The following NLGN1 variants were observed in gnomAD, a reference collection of about 807,000 sequenced individuals.
NLGN1 encodes neuroligin-1.
A neutral mutation model predicts 65.5 loss-of-function variants in NLGN1; 12 were observed. That is an observed-to-expected ratio of 0.18 (90% CI 0.12 to 0.30). The LOEUF is 0.30. NLGN1 is among the 10% of genes least tolerant of loss of function. The pLI is 1.00. For missense variants in NLGN1, 750 were observed against 1,007.1 expected, an observed-to-expected ratio of 0.74 and a Z score of 3.46; for synonymous variants, 350 against 359.5, an observed-to-expected ratio of 0.97 and a Z score of 0.30.
At chr3:173,935,279 G>T (rs1200712400) in intron 4 of NLGN1, among the ~76,000 whole-genome samples, 1 of 151,946 alleles carries the variant, frequency 6.6e-6, no homozygotes, top group Non-Finnish European at 1.5e-5. Context: ...AAGGTTAAGG[G>T]ACCTGCCTAA....
At chr3:174,145,826 T>C (rs1029645985) in intron 4 of NLGN1, among the ~76,000 whole-genome samples, 1 of 152,204 alleles carries the variant, frequency 6.6e-6, no homozygotes, top group Non-Finnish European at 1.5e-5. Context: ...TAAACTTCAC[T>C]TTTACCTAAA....
chr3:173,600,807 A>G (rs1487760839), intron 2 of NLGN1, among the ~76,000 whole-genome samples: 7 of 151,580 alleles, frequency 4.6e-5, no homozygotes, highest in Admixed American at 4.0e-4. Context: ...AATTCTCCTT[A>G]ACATTCAGTG....
At chr3:174,156,560 G>C (rs1330435341) in intron 4 of NLGN1, among the ~76,000 whole-genome samples, 2 of 151,720 alleles carry the variant, frequency 1.3e-5, no homozygotes, top group African/African-American at 4.8e-5. Flanking sequence ...ATAGATTTGA[G>C]AGTAAGATTC....
At chr3:174,219,703 A>G (rs1275538701) in intron 4 of NLGN1, among the ~76,000 whole-genome samples, 2 of 152,128 alleles carry the variant, frequency 1.3e-5, no homozygotes, top group Non-Finnish European at 2.9e-5. Context: ...TGTATCCCCA[A>G]TAGTCCAATG....
intron 4 of NLGN1, among the ~76,000 whole-genome samples, chr3:174,036,930 T>A (rs1327439013): frequency 2.0e-5 from 3 of 152,218 alleles, no homozygotes; most frequent in Non-Finnish European, 4.4e-5. Context: ...AAGGACATGA[T>A]GACATCCTTT....
chr3:173,895,849 C>A (rs558841770), intron 4 of NLGN1, among the ~76,000 whole-genome samples: 1 of 152,176 alleles, frequency 6.6e-6, no homozygotes, highest in Non-Finnish European at 1.5e-5. Flanking sequence ...TGCCCCCACA[C>A]ATGGCTAATT....
intron 1 of NLGN1, among the ~76,000 whole-genome samples, chr3:173,427,488 C>A (rs1181001706): frequency 6.6e-6 from 1 of 151,826 alleles, no homozygotes; most frequent in Admixed American, 6.6e-5. Context: ...TGCTATACTG[C>A]ATAGGTTTTG....
chr3:173,992,475 A>G (rs898480986), intron 4 of NLGN1, among the ~76,000 whole-genome samples: 11 of 152,056 alleles, frequency 7.2e-5, no homozygotes, highest in African/African-American at 2.7e-4. Context: ...CAAAGTCACC[A>G]ATGGCTCTTT....
At chr3:173,436,469 G>C (rs1265367406) in intron 2 of NLGN1, among the ~76,000 whole-genome samples, 1 of 152,106 alleles carries the variant, frequency 6.6e-6, no homozygotes. Flanking sequence ...CATGATTTGA[G>C]GACCTTACAT....
chr3:173,960,750 A>G (rs977255893), intron 4 of NLGN1, among the ~76,000 whole-genome samples: 1 of 151,310 alleles, frequency 6.6e-6, no homozygotes, highest in African/African-American at 2.4e-5. Context: ...GTTAAAATAG[A>G]TAGGAAGACA....
chr3:173,733,950 G>C (rs1352487620), intron 3 of NLGN1, among the ~76,000 whole-genome samples: 3 of 151,850 alleles, frequency 2.0e-5, no homozygotes, highest in African/African-American at 7.3e-5. Context: ...AAACCTAAAT[G>C]ACTAGGTTTT....
chr3:173,605,007 A>G (rs1751151256), exon 3 of NLGN1: 2 of 1,613,470 alleles, frequency 1.2e-6, no homozygotes, highest in African/African-American at 1.3e-5. Flanking sequence ...GTGGTTTACT[A>G]ATAACTTGGA....
intron 4 of NLGN1, among the ~76,000 whole-genome samples, chr3:174,150,656 A>G (rs1335730463): frequency 6.6e-6 from 1 of 152,128 alleles, no homozygotes; most frequent in East Asian, 1.9e-4. Flanking sequence ...TTATCTGATC[A>G]TTGCTGCAGC....
chr3:173,519,770 A>T (rs753232508), intron 2 of NLGN1, among the ~76,000 whole-genome samples: 4 of 150,990 alleles, frequency 2.6e-5, no homozygotes, highest in Non-Finnish European at 1.5e-5. Flanking sequence ...GAGAGTTTGG[A>T]CTTTGGACTT....
At chr3:174,101,567 A>G (rs1407011540) in intron 4 of NLGN1, among the ~76,000 whole-genome samples, 1 of 152,220 alleles carries the variant, frequency 6.6e-6, no homozygotes, top group Non-Finnish European at 1.5e-5. Context: ...CTTTCAATGA[A>G]TCACAGCTTT....
At chr3:174,161,301 C>T (rs962155970) in intron 4 of NLGN1, among the ~76,000 whole-genome samples, 4 of 151,644 alleles carry the variant, frequency 2.6e-5, no homozygotes, top group African/African-American at 9.7e-5. Flanking sequence ...CATGTCAGAG[C>T]TACAACATCT....
chr3:173,664,187 A>G (rs1395693014), intron 3 of NLGN1, among the ~76,000 whole-genome samples: 1 of 152,092 alleles, frequency 6.6e-6, no homozygotes, highest in Non-Finnish European at 1.5e-5. Context: ...TGAATAATAA[A>G]AATCATACTT....
chr3:173,510,180 GA>G (rs1732704059), intron 2 of NLGN1, among the ~76,000 whole-genome samples: 1 of 152,178 alleles, frequency 6.6e-6, no homozygotes, highest in Non-Finnish European at 1.5e-5. Flanking sequence ...TGTGAATAGA[GA>G]AGAAGCCTGC....
rs536017602 is a variant in NLGN1 at position 174,138,458 on chromosome 3, A to G, written c.647-136857A>G. Reference sequence around the variant, plus strand: ...CTTTTTTTTTTTTTTTTTGTGAGACAGAATGTCGCTCCGTCGCCGAGGCTG... The same window carrying G: ...CTTTTTTTTTTTTTTTTTGTGAGACGGAATGTCGCTCCGTCGCCGAGGCTG... On this transcript the variant is annotated intron_variant, in intron 4 of 6. Coordinates refer to ENST00000457714, the Ensembl canonical transcript of NLGN1. Among the ~76,000 whole-genome samples, 14 of 144,378 alleles carry G rather than the reference A, an allele frequency of 9.7e-5. No individual in the cohort carries two copies. The South Asian group carries it at 3.0e-3, about 31-fold the overall frequency. The allele number at this position is 144,378 out of a possible 152,430, so 94.7% of individuals were successfully genotyped here.
Sources: gnomAD v4.1 joint callset for allele counts (sites outside exome capture counted in the v4.1 genomes callset) on GRCh38, gnomAD v4.1.1 for gene constraint, MANE v1.5 for transcripts, NCBI Gene and HGNC (gene_info 2026-07-23, HGNC 2026-07-21) for gene names.